Variants in BMPR1B observed in about 807,000 individuals in gnomAD.
The protein encoded by BMPR1B is bone morphogenetic protein receptor type 1B, also known as bone morphogenetic protein receptor type-1B.
Under a neutral mutation model 59.1 loss-of-function variants are expected in BMPR1B, and 12 were observed. The observed-to-expected ratio is 0.20, with a 90% CI of 0.13 to 0.33. The LOEUF is 0.33. BMPR1B is among the 10% of genes least tolerant of loss of function. BMPR1B has a pLI of 1.00. For synonymous variants in BMPR1B, 237 were observed against 207.3 expected (o/e 1.14, Z -1.23); for missense variants, 550 against 610.9 (o/e 0.90, Z 1.05).
intron 11 of BMPR1B, among the ~76,000 whole-genome samples, chr4:95,149,175 T>C (rs974653414): frequency 6.6e-6 from 1 of 152,200 alleles, no homozygotes; most frequent in African/African-American, 2.4e-5. Context: ...ATCACTGTTT[T>C]CTGCTCTGTG....
At chr4:95,012,232 A>G (rs541928519) in intron 3 of BMPR1B, among the ~76,000 whole-genome samples, 4 of 152,152 alleles carry the variant, frequency 2.6e-5, no homozygotes, top group Non-Finnish European at 5.9e-5. Flanking sequence ...TTCATTAGCC[A>G]TTTAAAAATA....
At chr4:94,973,754 A>G (rs1468681630) in intron 2 of BMPR1B, among the ~76,000 whole-genome samples, 3 of 152,180 alleles carry the variant, frequency 2.0e-5, no homozygotes, top group Non-Finnish European at 4.4e-5. Context: ...CGTCCCTATC[A>G]GTAACAGCAT....
At chr4:94,882,063 C>G (rs1726994587) in intron 2 of BMPR1B, among the ~76,000 whole-genome samples, 1 of 151,966 alleles carries the variant, frequency 6.6e-6, no homozygotes, top group Non-Finnish European at 1.5e-5. Flanking sequence ...TGTAGGGAAT[C>G]TAATGGACAG....
In BMPR1B at chr4:95,115,753, C is replaced by T; in HGVS notation, c.315C>T (p.Asp105=). Residue 105 remains aspartate, a synonymous_variant, in exon 6 of 13, where the codon GAC becomes GAT. Transcript: ENST00000515059. ...CCTERNECNK[D]LHPTLPPLKN... ...CAGAAAGGAACGAATGTAATAAAGA[C>T]CTACACCCTACACTGCCTCCATTGA... is the stretch of plus-strand genomic sequence containing the variant. 1 of 1,613,012 alleles carries T rather than the reference C, an allele frequency of 6.2e-7. No homozygotes were observed. The highest frequency in any genetic ancestry group is 8.5e-7 in the Non-Finnish European group (1 of 1,179,386).
chr4:94,825,344 A>C (rs1724345816), intron 1 of BMPR1B, among the ~76,000 whole-genome samples: 1 of 151,840 alleles, frequency 6.6e-6, no homozygotes, highest in Admixed American at 6.6e-5. Context: ...CTTTACGAAA[A>C]ATTTTTAAAA....
intron 9 of BMPR1B, among the ~76,000 whole-genome samples, chr4:95,130,988 C>T (rs1318853166): frequency 1.3e-5 from 2 of 151,916 alleles, no homozygotes; most frequent in Non-Finnish European, 1.5e-5. Context: ...CCATGGCCTC[C>T]CGATGTGCTT....
intron 2 of BMPR1B, among the ~76,000 whole-genome samples, chr4:94,888,608 A>C (rs964336618): frequency 1.3e-5 from 2 of 152,008 alleles, no homozygotes; most frequent in African/African-American, 2.4e-5. Context: ...ACAGATAAGG[A>C]AACTAAAGCA....
intron 1 of BMPR1B, among the ~76,000 whole-genome samples, chr4:94,763,844 A>G (rs963623096): frequency 6.6e-6 from 1 of 152,190 alleles, no homozygotes; most frequent in Non-Finnish European, 1.5e-5. Context: ...GTATTAAATT[A>G]TCATCAATTC....
intron 1 of BMPR1B, among the ~76,000 whole-genome samples, chr4:94,761,978 G>T (rs910601638): frequency 6.6e-6 from 1 of 152,092 alleles, no homozygotes; most frequent in Non-Finnish European, 1.5e-5. Context: ...AACTTTTTAG[G>T]CATAGAGTAC....
intron 1 of BMPR1B, among the ~76,000 whole-genome samples, chr4:94,869,095 AACACACACACACACACACACACACAC>A (rs59407857): frequency 6.9e-6 from 1 of 144,542 alleles, no homozygotes; most frequent in Non-Finnish European, 1.5e-5. Context: ...TTTACTATCA[AACACACACACACACACACACACACAC>A]ACACACACAC....
At chr4:94,791,751 C>A (rs1488019083) in intron 1 of BMPR1B, among the ~76,000 whole-genome samples, 1 of 152,168 alleles carries the variant, frequency 6.6e-6, no homozygotes, top group East Asian at 1.9e-4. Flanking sequence ...AGAAAGAAAT[C>A]TCTTGTTTAA....
chr4:95,005,153 C>T (rs1722731011), intron 3 of BMPR1B, among the ~76,000 whole-genome samples: 1 of 152,106 alleles, frequency 6.6e-6, no homozygotes, highest in East Asian at 1.9e-4. Flanking sequence ...GTGTATGTTC[C>T]TTCTAGTTAA....
intron 3 of BMPR1B, among the ~76,000 whole-genome samples, chr4:94,997,956 C>T (rs1310949253): frequency 2.6e-5 from 4 of 151,552 alleles, no homozygotes; most frequent in African/African-American, 9.7e-5. Flanking sequence ...TCTGAAGTAC[C>T]TTGTTGAAAT....
At chr4:94,780,912 T>C (rs1363026814) in intron 1 of BMPR1B, among the ~76,000 whole-genome samples, 1 of 151,978 alleles carries the variant, frequency 6.6e-6, no homozygotes, top group Non-Finnish European at 1.5e-5. Flanking sequence ...ATGGTCTCGA[T>C]CTCCTGACCT....
chr4:94,951,111 G>A (rs1729916933), intron 2 of BMPR1B, among the ~76,000 whole-genome samples: 1 of 152,134 alleles, frequency 6.6e-6, no homozygotes, highest in African/African-American at 2.4e-5. Context: ...TGTGATTATT[G>A]CATATTAATT....
intron 8 of BMPR1B, 139 bp from the exon 9 acceptor site, chr4:95,129,723 C>T (rs1733169004): frequency 5.3e-6 from 4 of 752,616 alleles, no homozygotes; most frequent in Non-Finnish European, 8.6e-6. Context: ...TAAATAAATA[C>T]AAATAAGTTG....
intron 10 of BMPR1B, among the ~76,000 whole-genome samples, chr4:95,135,393 G>T (rs1175158216): frequency 2.0e-5 from 3 of 152,040 alleles, no homozygotes; most frequent in Admixed American, 2.0e-4. Flanking sequence ...TTCCAATTCT[G>T]TGAAGAAAGT....
Position 95,130,542 on chromosome 4 carries a change from C to T in BMPR1B, c.778+488C>T, listed in dbSNP as rs373704396. ...ATTCCTTAATTCAAGAATTCAAGAC[C>T]CTGTTTTGCAATGTCTTATGTGTAA... On this transcript the variant is annotated intron_variant, in intron 9 of 12. Transcript: ENST00000515059. Among the ~76,000 whole-genome samples, 15 of 151,836 alleles carry T rather than the reference C, an allele frequency of 9.9e-5. No individual in the cohort carries two copies. The East Asian group carries it at 2.5e-3, about 26-fold the overall frequency.
intron 2 of BMPR1B, among the ~76,000 whole-genome samples, chr4:94,878,071 A>G (rs1726802581): frequency 6.6e-6 from 1 of 152,130 alleles, no homozygotes; most frequent in Non-Finnish European, 1.5e-5. Context: ...ATATTTTATT[A>G]TTTCAGGTTT....
Sources: allele counts gnomAD v4.1 joint callset (sites outside exome capture counted in the v4.1 genomes callset), GRCh38; gene constraint gnomAD v4.1.1; transcripts MANE v1.5; gene names NCBI Gene and HGNC (gene_info 2026-07-23, HGNC 2026-07-21).